IPCEF1: variants seen among roughly 807,000 people sequenced by gnomAD.
The protein encoded by IPCEF1 is interaction protein for cytohesin exchange factors 1.
A neutral mutation model predicts 50.9 loss-of-function variants in IPCEF1; 31 were observed. The ratio of observed to expected loss-of-function variants is 0.61; its 90% CI spans 0.46 to 0.82. IPCEF1 has a LOEUF of 0.82. Ranked by LOEUF, IPCEF1 falls within the 40% of genes least tolerant of loss-of-function variation. The probability of loss-of-function intolerance (pLI) is 0.00; values close to 1 mark genes in which losing one functional copy is unlikely to be tolerated. For synonymous variants in IPCEF1, 181 were observed against 192.0 expected, an observed-to-expected ratio of 0.94 and a Z score of 0.47; for missense variants, 458 against 514.0, an observed-to-expected ratio of 0.89 and a Z score of 1.05.
intron 1 of IPCEF1, among the ~76,000 whole-genome samples, chr6:154,298,343 T>A (rs1782713947): frequency 6.6e-6 from 1 of 152,202 alleles, no homozygotes; most frequent in Admixed American, 6.5e-5. Context: ...CCCATTTTGA[T>A]GTAACGATTT....
At chr6:154,209,453 C>A in intron 9 of IPCEF1, among the ~76,000 whole-genome samples, 1 of 151,918 alleles carries the variant, frequency 6.6e-6, no homozygotes, top group East Asian at 1.9e-4. Flanking sequence ...GAGCCACAGA[C>A]CAACCTAGAG....
chr6:154,301,482 C>T (rs1482946388), intron 1 of IPCEF1, among the ~76,000 whole-genome samples: 1 of 152,150 alleles, frequency 6.6e-6, no homozygotes, highest in East Asian at 1.9e-4. Context: ...TACGAAAGCA[C>T]TTGTTTAATC....
chr6:154,291,786 G>A (rs1425193831), intron 1 of IPCEF1, among the ~76,000 whole-genome samples: 5 of 144,546 alleles, frequency 3.5e-5, no homozygotes, highest in Admixed American at 7.3e-5. Flanking sequence ...CTGGGTTCAC[G>A]CCATTCTCCT....
At chr6:154,304,929 C>T (rs1438445542) in intron 1 of IPCEF1, among the ~76,000 whole-genome samples, 1 of 152,138 alleles carries the variant, frequency 6.6e-6, no homozygotes, top group East Asian at 1.9e-4. Flanking sequence ...GCCTGACCAA[C>T]ATGGAGAAAC....
chr6:154,214,048 G>A, intron 8 of IPCEF1, among the ~76,000 whole-genome samples, 170 bp downstream of exon 8: 1 of 152,168 alleles, frequency 6.6e-6, no homozygotes, highest in East Asian at 1.9e-4. Flanking sequence ...TTCCATGTTG[G>A]TGAGTCTGTG....
chr6:154,352,638 T>A (rs771999485), intron 1 of IPCEF1, among the ~76,000 whole-genome samples: 17 of 152,368 alleles, frequency 1.1e-4, no homozygotes, highest in Non-Finnish European at 1.3e-4. Flanking sequence ...AGATTGATTC[T>A]AAGACAAAGA....
At chr6:154,192,212 A>G (rs1801951360) in intron 10 of IPCEF1, among the ~76,000 whole-genome samples, 1 of 152,088 alleles carries the variant, frequency 6.6e-6, no homozygotes, top group Non-Finnish European at 1.5e-5. Context: ...GGTTCCACCA[A>G]AATATATCTC....
chr6:154,159,781 A>C lies in IPCEF1; in HGVS notation c.*47T>G. 1 of 1,425,578 alleles carries C rather than the reference A, an allele frequency of 7.0e-7. No individual in the cohort carries two copies. Among genetic ancestry groups the C allele is most frequent in the Middle Eastern group, 1.8e-4 (1 of 5,594 alleles). The allele number at this position is 1,425,578 out of a possible 1,614,324, so 88.3% of individuals were successfully genotyped here. ...AATGTAAGCTTTTGCAACATCTTGAAGAGTTGCTTGTGATAAAATATAAGA... is the reference window on the plus strand; with the variant it reads ...AATGTAAGCTTTTGCAACATCTTGACGAGTTGCTTGTGATAAAATATAAGA... On this transcript the variant is annotated 3_prime_UTR_variant, in exon 12 of 12. Coordinates refer to ENST00000367220, the MANE Select transcript of IPCEF1 (RefSeq NM_001130700.2).
intron 1 of IPCEF1, among the ~76,000 whole-genome samples, chr6:154,348,087 T>C (rs944575649): frequency 1.8e-4 from 27 of 152,304 alleles, no homozygotes; most frequent in Admixed American, 4.6e-4. Context: ...CTCCCCGTGC[T>C]GGCTTCTCAG....
At chr6:154,232,974 T>C (rs1453121596) in intron 5 of IPCEF1, among the ~76,000 whole-genome samples, 3 of 150,926 alleles carry the variant, frequency 2.0e-5, no homozygotes, top group South Asian at 2.1e-4. Flanking sequence ...CTTTTCTTTT[T>C]TTTTTTTTTT....
At chr6:154,241,455 TA>T in intron 5 of IPCEF1, among the ~76,000 whole-genome samples, 1 of 152,276 alleles carries the variant, frequency 6.6e-6, no homozygotes, top group African/African-American at 2.4e-5. Context: ...ACGGTGAATC[TA>T]AATGAAATTC....
chr6:154,230,435 G>C (rs957672422), intron 5 of IPCEF1, among the ~76,000 whole-genome samples: 1 of 152,152 alleles, frequency 6.6e-6, no homozygotes, highest in African/African-American at 2.4e-5. Flanking sequence ...TCAGATTTTA[G>C]AATTTAAATG....
rs1505579 is a variant in IPCEF1, at chr6:154,159,053, G to A, written c.*775C>T. 1.3e-5 allele frequency: 2 copies of A among 152,096 alleles called. No individual in the cohort carries two copies. The highest frequency in any genetic ancestry group is 1.5e-5 in the Non-Finnish European group (1 of 68,056). 9.4% of individuals were successfully genotyped at this position (152,096 alleles called of 1,614,324 possible). The stretch of plus-strand genomic sequence containing the variant: ...GACAAGAGCAGTAGACATTCTTTGC[G>A]GAACATATTCCTATCTCCTACCATT... On this transcript the variant is annotated 3_prime_UTR_variant, in exon 12 of 12. Coordinates refer to ENST00000367220, the MANE Select transcript of IPCEF1 (RefSeq NM_001130700.2).
chr6:154,181,531 G>C (rs778849555), intron 10 of IPCEF1, among the ~76,000 whole-genome samples: 56 of 152,298 alleles, frequency 3.7e-4, no homozygotes, highest in South Asian at 2.9e-3. Context: ...GCGTTCTTTT[G>C]AATGAAAGTC....
At chr6:154,324,543 C>T (rs978832416) in intron 1 of IPCEF1, among the ~76,000 whole-genome samples, 3 of 152,138 alleles carry the variant, frequency 2.0e-5, no homozygotes, top group Admixed American at 1.3e-4. Flanking sequence ...TGCAGTGGCT[C>T]ACACCTGTAA....
intron 11 of IPCEF1, among the ~76,000 whole-genome samples, chr6:154,162,809 CATT>C (rs1286495549): frequency 6.6e-6 from 1 of 152,188 alleles, no homozygotes; most frequent in African/African-American, 2.4e-5. Flanking sequence ...ACTCCATCAT[CATT>C]TGTCTAAACT....
At chr6:154,175,571 G>A (rs1434387346) in intron 10 of IPCEF1, among the ~76,000 whole-genome samples, 1 of 152,044 alleles carries the variant, frequency 6.6e-6, no homozygotes. Context: ...AGAAAATCTA[G>A]AAGAAACTGA....
chr6:154,185,336 A>T (rs1260882670), intron 10 of IPCEF1, among the ~76,000 whole-genome samples: 1 of 152,228 alleles, frequency 6.6e-6, no homozygotes, highest in Non-Finnish European at 1.5e-5. Context: ...AAATATGAAG[A>T]TATTCACAAT....
intron 5 of IPCEF1, among the ~76,000 whole-genome samples, chr6:154,237,326 A>C (rs1236541862): frequency 6.6e-6 from 1 of 152,182 alleles, no homozygotes; most frequent in African/African-American, 2.4e-5. Flanking sequence ...ACAAGTACCC[A>C]ATGTCTTCTA....
Sources: allele counts gnomAD v4.1 joint callset (sites outside exome capture counted in the v4.1 genomes callset), GRCh38; gene constraint gnomAD v4.1.1; transcripts MANE v1.5; gene names NCBI Gene and HGNC (gene_info 2026-07-23, HGNC 2026-07-21).